The following ARPC3 variants were observed in gnomAD, a reference collection of about 807,000 sequenced individuals.
ARPC3 encodes the protein actin related protein 2/3 complex subunit 3.
A neutral mutation model predicts 27.6 loss-of-function variants in ARPC3; 12 were observed. The ratio of observed to expected loss-of-function variants is 0.43; its 90% CI spans 0.28 to 0.70. The LOEUF is 0.70. ARPC3 is among the 30% of genes least tolerant of loss of function. The pLI, the probability that ARPC3 is intolerant of heterozygous loss-of-function variation, is 0.17. For missense variants in ARPC3, 153 were observed against 207.7 expected, an observed-to-expected ratio of 0.74 and a Z score of 1.62; for synonymous variants, 53 against 67.2, an observed-to-expected ratio of 0.79 and a Z score of 1.03.
chr12:110,445,951 A>C (rs903499904), intron 1 of ARPC3, among the ~76,000 whole-genome samples: 2 of 152,010 alleles, frequency 1.3e-5, no homozygotes, highest in Non-Finnish European at 2.9e-5. Flanking sequence ...TAAAATATAA[A>C]AAATTAGCCA....
At chr12:110,448,551 A>G (rs2062478348) in intron 1 of ARPC3, among the ~76,000 whole-genome samples, 1 of 150,704 alleles carries the variant, frequency 6.6e-6, no homozygotes, top group Non-Finnish European at 1.5e-5. Flanking sequence ...GGTGGCGTAC[A>G]CCTGTAGTCC....
chr12:110,445,446 A>G lies in ARPC3; in HGVS notation c.106+6T>C. The G allele has an allele frequency of 1.3e-6, 2 of 1,594,976 alleles. No homozygotes were observed. The highest frequency in any genetic ancestry group is 1.3e-5 in the African/African-American group (1 of 74,620). On this transcript the variant is annotated splice_donor_region_variant and intron_variant, in intron 2 of 6. Coordinates refer to ENST00000228825, the MANE Select transcript of ARPC3 (RefSeq NM_001278556.2). ...CAAAATTTGAAAATAATGGGTTTAG[A>G]CTTACTCTCTCTGGGGGCAGGTCCT...
chr12:110,436,489 G>T, intron 5 of ARPC3, 68 bp downstream of exon 5: 1 of 1,597,484 alleles, frequency 6.3e-7, no homozygotes, highest in Non-Finnish European at 8.6e-7. Flanking sequence ...AGAAAAAGAG[G>T]GGTGGTAGGA....
In ARPC3 at chr12:110,435,983, G is replaced by A. The variant is rs943287756; in HGVS notation, c.474+127C>T. The A allele has an allele frequency of 7.4e-6, 6 of 809,504 alleles. No individual in the cohort carries two copies. The African/African-American group carries it at 8.4e-5, about 11-fold the overall frequency. The allele number at this position is 809,504 out of a possible 1,614,324, so 50.1% of individuals were successfully genotyped here. The stretch of plus-strand genomic sequence containing the variant: ...TCATATTACATACTAGACATATACT[G>A]GAAGTTAAGCAACATTGCAATGCAG... On this transcript the variant is annotated intron_variant, in intron 6 of 6. Coordinates refer to ENST00000228825, the MANE Select transcript of ARPC3 (RefSeq NM_001278556.2).
chr12:110,444,035 T>C (rs1279039526), intron 2 of ARPC3, among the ~76,000 whole-genome samples: 5 of 151,696 alleles, frequency 3.3e-5, no homozygotes, highest in Non-Finnish European at 7.4e-5. Context: ...AATGACATGA[T>C]CTCGGCACAC....
intron 2 of ARPC3, among the ~76,000 whole-genome samples, chr12:110,443,895 T>C (rs966153136): frequency 1.3e-5 from 2 of 152,140 alleles, no homozygotes; most frequent in African/African-American, 2.4e-5. Flanking sequence ...CTACAGATAT[T>C]TGTTGAATAT....
chr12:110,446,611 ATT>A (rs556197117), intron 1 of ARPC3, among the ~76,000 whole-genome samples: 6 of 130,648 alleles, frequency 4.6e-5, no homozygotes, highest in Non-Finnish European at 5.0e-5. Flanking sequence ...CTACTTCCTA[ATT>A]TTTTTTTTTT....
At chr12:110,447,193 T>C (rs2062469256) in intron 1 of ARPC3, among the ~76,000 whole-genome samples, 1 of 152,226 alleles carries the variant, frequency 6.6e-6, no homozygotes, top group South Asian at 2.1e-4. Flanking sequence ...CTTAGCTTGT[T>C]TCCAAATTTG....
rs575174492 is a variant in ARPC3 at position 110,444,575 on chromosome 12, G to A, written c.106+877C>T. ...GCTGGGATTACAAGTGTGAGCCACC[G>A]CACCCAGCCTTGTGATTTTCTTTTA... On this transcript the variant is annotated intron_variant, in intron 2 of 6. Transcript: ENST00000228825. 7.2e-5 allele frequency among the ~76,000 whole-genome samples: 11 copies of A among 152,184 alleles called. No homozygotes were observed. In the East Asian group the frequency reaches 7.7e-4, roughly 11 times the overall value.
chr12:110,448,789 G>T (rs958846962), intron 1 of ARPC3, among the ~76,000 whole-genome samples: 1 of 104,174 alleles, frequency 9.6e-6, no homozygotes, highest in Non-Finnish European at 2.1e-5. Context: ...GGGGGGGGGG[G>T]GGGTGGTGGT....
chr12:110,436,524 T>C (rs377689791), intron 5 of ARPC3, 33 bp downstream of exon 5: 2 of 1,613,446 alleles, frequency 1.2e-6, no homozygotes, highest in African/African-American at 2.7e-5. Context: ...AATCTTCTTG[T>C]GTCACAGAGT....
At chr12:110,445,167 C>G (rs1371492774) in intron 2 of ARPC3, 1 of 379,036 alleles carries the variant, frequency 2.6e-6, no homozygotes, top group African/African-American at 2.1e-5. Flanking sequence ...GACGTAACAG[C>G]ATTAGATTTG....
chr12:110,438,626 C>T (rs1008066966), intron 3 of ARPC3, among the ~76,000 whole-genome samples: 3 of 151,338 alleles, frequency 2.0e-5, no homozygotes, highest in South Asian at 2.1e-4. Flanking sequence ...AAAAATTACC[C>T]CCAAACCACA....
chr12:110,448,966 GGGTT>G (rs2062482736), intron 1 of ARPC3, among the ~76,000 whole-genome samples: 1 of 151,558 alleles, frequency 6.6e-6, no homozygotes, highest in Non-Finnish European at 1.5e-5. Context: ...AGTAGAGATG[GGGTT>G]TCACCATGTT....
chr12:110,435,521 G>A (rs576668114), intron 6 of ARPC3, among the ~76,000 whole-genome samples: 6 of 152,092 alleles, frequency 3.9e-5, no homozygotes, highest in East Asian at 1.9e-4. Flanking sequence ...TAGTAGAGAC[G>A]GGGTTTCACC....
At chr12:110,447,215 G>GAT (rs1256383831) in intron 1 of ARPC3, among the ~76,000 whole-genome samples, 9 of 152,304 alleles carry the variant, frequency 5.9e-5, no homozygotes, top group African/African-American at 2.2e-4. Flanking sequence ...AAAATGAGAA[G>GAT]ATATATATTC....
At chr12:110,435,269 A>C in intron 6 of ARPC3, 52 bp from the exon 7 acceptor site, 1 of 1,326,704 alleles carries the variant, frequency 7.5e-7, no homozygotes, top group Non-Finnish European at 1.1e-6. Flanking sequence ...TTACAATAGA[A>C]TTTGCATTTA....
chr12:110,437,334 T>A, intron 3 of ARPC3, 182 bp from the exon 4 acceptor site: 1 of 581,902 alleles, frequency 1.7e-6, no homozygotes, highest in East Asian at 3.0e-5. Flanking sequence ...CGTCTGCCCC[T>A]GGGAGGAAGG....
In ARPC3 at chr12:110,450,334, G is replaced by A. The variant is rs2062495705; in HGVS notation, c.-74C>T. The A allele has an allele frequency of 2.7e-5, 43 of 1,601,528 alleles. No individual in the cohort carries two copies. The highest frequency in any genetic ancestry group is 3.6e-5 in the Non-Finnish European group (42 of 1,170,436). ...CGGAGCGCTTCCGGTCTGGCAGCCT[G>A]GGCGAGGTAGGCGGAAGCGAAACGG... On this transcript the variant is annotated 5_prime_UTR_variant, in exon 1 of 7. Coordinates refer to ENST00000228825, the MANE Select transcript of ARPC3 (RefSeq NM_001278556.2).
Sources: allele counts gnomAD v4.1 joint callset (sites outside exome capture counted in the v4.1 genomes callset), GRCh38; gene constraint gnomAD v4.1.1; transcripts MANE v1.5; gene names NCBI Gene and HGNC (gene_info 2026-07-23, HGNC 2026-07-21).